ZNF423: variants seen among roughly 807,000 people sequenced by gnomAD.
ZNF423 encodes zinc finger protein 423, also known as Ebf-associated zinc finger protein.
Under a neutral mutation model 95.8 loss-of-function variants are expected in ZNF423, and 12 were observed. The observed-to-expected ratio is 0.13, with a 90% CI of 0.08 to 0.20. The LOEUF (loss-of-function observed/expected upper bound fraction) is 0.20, where lower values mean the gene tolerates loss of function less well. Ranked by LOEUF, ZNF423 falls within the 10% of genes least tolerant of loss-of-function variation. The probability of loss-of-function intolerance (pLI) is 1.00; values close to 1 mark genes in which losing one functional copy is unlikely to be tolerated. For missense variants in ZNF423, 1,316 were observed against 1,737.1 expected (o/e 0.76, Z 4.31); for synonymous variants, 749 against 711.9 (o/e 1.05, Z -0.83).
At chr16:49,683,616 C>T (rs1295799937) in intron 3 of ZNF423, among the ~76,000 whole-genome samples, 1 of 152,300 alleles carries the variant, frequency 6.6e-6, no homozygotes, top group Non-Finnish European at 1.5e-5. Context: ...CCCTTAGGGG[C>T]TACTGTCCAA....
At chr16:49,628,354 C>T (rs766368331) in intron 4 of ZNF423, among the ~76,000 whole-genome samples, 2 of 151,710 alleles carry the variant, frequency 1.3e-5, no homozygotes, top group Admixed American at 6.6e-5. Flanking sequence ...CTCTATCTAC[C>T]CACCCATCCA....
chr16:49,664,311 G>A (rs1387780503), intron 3 of ZNF423: 1 of 985,406 alleles, frequency 1.0e-6, no homozygotes, highest in Non-Finnish European at 1.2e-6. Flanking sequence ...CCGCGGCGGC[G>A]CTTGGCGGAG....
chr16:49,854,515 G>A, intron 1 of ZNF423: 1 of 985,454 alleles, frequency 1.0e-6, no homozygotes, highest in African/African-American at 1.7e-5. Flanking sequence ...TCAGGCCAGA[G>A]GTCATCAGGG....
At chr16:49,650,687 C>A (rs1026222222) in intron 3 of ZNF423, among the ~76,000 whole-genome samples, 10 of 152,236 alleles carry the variant, frequency 6.6e-5, no homozygotes, top group Non-Finnish European at 1.5e-4. Context: ...ATCCCTCTCA[C>A]CCTCATAAAC....
At position 49,510,492 on chromosome 16, in the gene ZNF423, G is replaced by A. The variant is rs186661489; in HGVS notation, c.3849+13132C>T. On this transcript the variant is annotated intron_variant, in intron 7 of 7. Transcript: ENST00000563137. The stretch of plus-strand genomic sequence containing the variant: ...AGGGACCTCACAGCAAGCCCTTCCC[G>A]TGAGTAGCTTCTTACGACCTCACAT... Among the ~76,000 whole-genome samples the A allele has an allele frequency of 1.6e-3, 248 of 152,334 alleles. 4 individuals carry two copies. The highest frequency in any genetic ancestry group is 9.0e-3 in the Admixed American group (138 of 15,298).
chr16:49,518,475 G>C (rs1366725748), intron 7 of ZNF423: 1 of 436,270 alleles, frequency 2.3e-6, no homozygotes. Flanking sequence ...TGTGCGCACT[G>C]TCTGTCCCTA....
chr16:49,857,000 G>C (rs1424713521), upstream of ZNF423, among the ~76,000 whole-genome samples: 1 of 147,914 alleles, frequency 6.8e-6, no homozygotes, highest in Non-Finnish European at 1.5e-5. Context: ...CGCTCCAGCC[G>C]GCGCCGGCCC....
intron 5 of ZNF423, among the ~76,000 whole-genome samples, chr16:49,552,270 C>T (rs536208928): frequency 1.3e-5 from 2 of 152,314 alleles, no homozygotes; most frequent in East Asian, 3.9e-4. Flanking sequence ...ACTGTGTGAC[C>T]TTGGGCAAGC....
rs1970466868 is a variant in ZNF423 at position 49,575,440 on chromosome 16, T to C, written c.3602-49946A>G. Reference sequence around the variant, plus strand: ...TACTTGCCGCAGCCCCTTCACTCTCTAGGTTCTTCAGGCCTCTAACATCAC... The same window carrying C: ...TACTTGCCGCAGCCCCTTCACTCTCCAGGTTCTTCAGGCCTCTAACATCAC... On this transcript the variant is annotated intron_variant, in intron 5 of 7. Coordinates refer to ENST00000563137, the MANE Select transcript of ZNF423 (RefSeq NM_001379286.1). Among the ~76,000 whole-genome samples the C allele has an allele frequency of 2.6e-5, 4 of 152,128 alleles. No individual in the cohort carries two copies. In the South Asian group the frequency reaches 6.2e-4, roughly 24 times the overall value.
At chr16:49,757,409 A>G (rs2143613648) in intron 2 of ZNF423, among the ~76,000 whole-genome samples, 1 of 152,336 alleles carries the variant, frequency 6.6e-6, no homozygotes, top group East Asian at 1.9e-4. Flanking sequence ...GTGAATAAGG[A>G]GGCCAGCCCC....
Position 49,710,457 on chromosome 16 carries a change from C to T in ZNF423, c.301+20314G>A, listed in dbSNP as rs200794981. On this transcript the variant is annotated intron_variant, in intron 3 of 7. Transcript: ENST00000563137. ...ATAAGATTCCAAGTGATCATAAGGA[C>T]CTAAACGCCTAAGAAGCACTGCCTG... 1.8e-4 allele frequency among the ~76,000 whole-genome samples: 28 copies of T among 152,322 alleles called. No homozygotes were observed. In the East Asian group the frequency reaches 3.1e-3, roughly 17 times the overall value.
At chr16:49,678,526 T>C (rs182544334) in intron 3 of ZNF423, among the ~76,000 whole-genome samples, 2 of 152,288 alleles carry the variant, frequency 1.3e-5, no homozygotes, top group Admixed American at 1.3e-4. Flanking sequence ...CTGGGCAAGA[T>C]GTCAGGGAAC....
intron 3 of ZNF423, among the ~76,000 whole-genome samples, chr16:49,675,308 A>G (rs1210962523): frequency 6.6e-6 from 1 of 152,122 alleles, no homozygotes; most frequent in East Asian, 1.9e-4. Context: ...ATGGGTCTGA[A>G]GCCCACCCTG....
chr16:49,620,936 A>T (rs1264678317), intron 5 of ZNF423, among the ~76,000 whole-genome samples: 1 of 152,146 alleles, frequency 6.6e-6, no homozygotes, highest in Non-Finnish European at 1.5e-5. Context: ...TGTTCAACAC[A>T]TGTGGGCAGA....
rs183281109 is a variant in ZNF423 at position 49,669,842 on chromosome 16, C to A, written c.302-30968G>T. The stretch of plus-strand genomic sequence containing the variant: ...ACACAAGCCTCCCTTCTACTCTACT[C>A]CAAGCCTCAGTTTCCCCTCCTTGGC... On this transcript the variant is annotated intron_variant, in intron 3 of 7. Coordinates refer to ENST00000563137, the MANE Select transcript of ZNF423 (RefSeq NM_001379286.1). 8.1e-4 allele frequency among the ~76,000 whole-genome samples: 124 copies of A among 152,368 alleles called. 1 individual carries two copies. Among genetic ancestry groups the A allele is most frequent in the Non-Finnish European group, 9.7e-4 (66 of 68,032 alleles).
chr16:49,527,909 T>C (rs1040496405), intron 5 of ZNF423, among the ~76,000 whole-genome samples: 2 of 152,124 alleles, frequency 1.3e-5, no homozygotes, highest in Admixed American at 1.3e-4. Flanking sequence ...TTCCAGTTCA[T>C]GAGCACACAC....
chr16:49,697,818 G>C (rs1431629176), intron 3 of ZNF423, among the ~76,000 whole-genome samples: 2 of 152,242 alleles, frequency 1.3e-5, no homozygotes, highest in African/African-American at 2.4e-5. Context: ...CCTACGGTGC[G>C]GGCAGGCGGC....
intron 3 of ZNF423, among the ~76,000 whole-genome samples, chr16:49,687,808 CT>C (rs1245628105): frequency 2.0e-5 from 3 of 152,160 alleles, no homozygotes; most frequent in Non-Finnish European, 4.4e-5. Context: ...ATTTCCCTCC[CT>C]TTTTTCCCTC....
chr16:49,662,116 AGGTT>A (rs1017024230), intron 3 of ZNF423, among the ~76,000 whole-genome samples: 2 of 152,110 alleles, frequency 1.3e-5, no homozygotes, highest in African/African-American at 4.8e-5. Flanking sequence ...CCCCACTCCC[AGGTT>A]ACCCTTCTCG....
Sources: gnomAD v4.1 joint callset for allele counts (sites outside exome capture counted in the v4.1 genomes callset) on GRCh38, gnomAD v4.1.1 for gene constraint, MANE v1.5 for transcripts, NCBI Gene and HGNC (gene_info 2026-07-23, HGNC 2026-07-21) for gene names.